Variants in CDC42SE2 observed in about 807,000 individuals in gnomAD.
The protein encoded by CDC42SE2 is CDC42 small effector 2.
A neutral mutation model predicts 11.5 loss-of-function variants in CDC42SE2; 3 were observed. The observed-to-expected ratio is 0.26, with a 90% CI of 0.12 to 0.67. The LOEUF (loss-of-function observed/expected upper bound fraction) is 0.67, where lower values mean the gene tolerates loss of function less well. Ranked by LOEUF, CDC42SE2 falls within the 30% of genes least tolerant of loss-of-function variation. The pLI is 0.80. For missense variants in CDC42SE2, 82 were observed against 106.8 expected (o/e 0.77, Z 1.02); for synonymous variants, 33 against 34.8 (o/e 0.95, Z 0.18).
chr5:131,280,103 T>G lies in CDC42SE2; in HGVS notation c.-455+15937T>G, dbSNP rs1757207758. Reference sequence around the variant, plus strand: ...GAACTTAGTTGGCTCGGGAGTTTATTGGCATTTTTTGAGCAACAGTTGCTT... The same window carrying G: ...GAACTTAGTTGGCTCGGGAGTTTATGGGCATTTTTTGAGCAACAGTTGCTT... On this transcript the variant is annotated intron_variant, in intron 1 of 4. Coordinates refer to ENST00000505065, the MANE Select transcript of CDC42SE2 (RefSeq NM_001375635.1). Among the ~76,000 whole-genome samples the G allele has an allele frequency of 2.0e-5, 3 of 152,150 alleles. No homozygotes were observed. In the South Asian group the frequency reaches 6.2e-4, roughly 32 times the overall value.
Position 131,391,085 on chromosome 5 carries a change from G to T in CDC42SE2, c.249G>T (p.Ala83=). Residue 83 remains alanine (A), a synonymous_variant, in exon 5 of 5, where the codon GCG becomes GCT. Coordinates refer to ENST00000505065, the MANE Select transcript of CDC42SE2 (RefSeq NM_001375635.1). The part of the protein sequence containing the change: ...NVQMQLVDTK[A]G ...AGATGCAGCTCGTGGATACGAAGGC[G>T]GGATAGCCCTGGTCCTTTCTCCAGT... The T allele has an allele frequency of 1.2e-6, 2 of 1,611,468 alleles. No homozygotes were observed. Among genetic ancestry groups the T allele is most frequent in the South Asian group, 2.2e-5 (2 of 91,060 alleles).
chr5:131,219,105 C>T, the CDC42SE2 span, among the ~76,000 whole-genome samples: 2 of 151,766 alleles, frequency 1.3e-5, no homozygotes, highest in African/African-American at 4.9e-5. Flanking sequence ...TGAGCTCATA[C>T]ACTTGTGATT....
At chr5:131,345,936 G>C (rs1022779522) in intron 2 of CDC42SE2, among the ~76,000 whole-genome samples, 1 of 152,172 alleles carries the variant, frequency 6.6e-6, no homozygotes, top group Non-Finnish European at 1.5e-5. Flanking sequence ...ATCCTTTACA[G>C]ACAAGCAAAT....
chr5:131,317,792 A>T (rs547518574), intron 2 of CDC42SE2, among the ~76,000 whole-genome samples: 2 of 152,268 alleles, frequency 1.3e-5, no homozygotes, highest in African/African-American at 4.8e-5. Context: ...AACCTGTGTT[A>T]TGATTTTACC....
intron 2 of CDC42SE2, among the ~76,000 whole-genome samples, chr5:131,355,857 T>G (rs1250019848): frequency 1.3e-5 from 2 of 152,184 alleles, no homozygotes; most frequent in Non-Finnish European, 2.9e-5. Context: ...GCAGCAAAAC[T>G]TCATGCAGGT....
intron 1 of CDC42SE2, among the ~76,000 whole-genome samples, chr5:131,307,919 T>C (rs10063968): frequency 0.12 from 18,962 of 152,138 alleles, 2,764 homozygotes; most frequent in African/African-American, 0.35. Flanking sequence ...GGGTTGTTTG[T>C]TTTTTGCTTG....
chr5:131,256,297 G>A (rs1756679605), intron 2 of CDC42SE2, among the ~76,000 whole-genome samples: 1 of 152,208 alleles, frequency 6.6e-6, no homozygotes, highest in Non-Finnish European at 1.5e-5. Context: ...GCTAATGCCT[G>A]AGAATTGATG....
intron 3 of CDC42SE2, among the ~76,000 whole-genome samples, chr5:131,369,315 A>AT (rs1749949111): frequency 1.3e-5 from 2 of 152,170 alleles, no homozygotes; most frequent in African/African-American, 4.8e-5. Flanking sequence ...ACCATAATAG[A>AT]TTTTTCCATT....
intron 1 of CDC42SE2, among the ~76,000 whole-genome samples, chr5:131,281,482 A>G (rs559643948): frequency 1.3e-5 from 2 of 152,320 alleles, no homozygotes; most frequent in Non-Finnish European, 2.9e-5. Context: ...GGTAAAGTGA[A>G]TCTTGAAACA....
chr5:131,315,078 C>T (rs1368244068), intron 1 of CDC42SE2, among the ~76,000 whole-genome samples: 6 of 150,710 alleles, frequency 4.0e-5, no homozygotes, highest in Non-Finnish European at 7.4e-5. Flanking sequence ...GTGGCTTGAG[C>T]GGAATATATG....
At chr5:131,381,074 T>C (rs1360671709) in intron 3 of CDC42SE2, among the ~76,000 whole-genome samples, 2 of 152,232 alleles carry the variant, frequency 1.3e-5, no homozygotes, top group Non-Finnish European at 2.9e-5. Context: ...ACTTTCAGGC[T>C]GTTTCTTTTT....
chr5:131,335,317 C>T (rs923565732), intron 2 of CDC42SE2, among the ~76,000 whole-genome samples: 8 of 152,212 alleles, frequency 5.3e-5, no homozygotes, highest in African/African-American at 1.2e-4. Flanking sequence ...TTTGATTGCA[C>T]TGTGGTCTGA....
intron 2 of CDC42SE2, among the ~76,000 whole-genome samples, chr5:131,345,833 G>C (rs184207270): frequency 3.3e-5 from 5 of 152,264 alleles, no homozygotes; most frequent in Non-Finnish European, 7.4e-5. Flanking sequence ...GAAGAGAGTG[G>C]GGGCCAATAT....
Position 131,392,519 on chromosome 5 carries a change from C to CTGTT in CDC42SE2, c.*1431_*1434dup, listed in dbSNP as rs1010167702. ...TATTTTAGAAGTATGACCTTTTGGT[C>CTGTT]TGTTTGATTGATTGATTAGAATTGC... On this transcript the variant is annotated 3_prime_UTR_variant, in exon 5 of 5. Coordinates refer to ENST00000505065, the MANE Select transcript of CDC42SE2 (RefSeq NM_001375635.1). The CTGTT allele has an allele frequency of 2.6e-5, 4 of 151,202 alleles. No individual in the cohort carries two copies. The highest frequency in any genetic ancestry group is 1.9e-4 in the East Asian group (1 of 5,328). 9.4% of individuals were successfully genotyped at this position (151,202 alleles called of 1,614,324 possible). A position where few individuals can be genotyped will look rare whatever the true frequency, so the allele number is the denominator to read the frequency against.
intron 1 of CDC42SE2, among the ~76,000 whole-genome samples, chr5:131,308,054 A>G (rs1433842147): frequency 1.3e-5 from 2 of 152,164 alleles, no homozygotes; most frequent in African/African-American, 4.8e-5. Flanking sequence ...TTTGCTGTGC[A>G]GAAGCTCTTT....
At chr5:131,249,741 G>C (rs1344788072) in intron 1 of CDC42SE2, among the ~76,000 whole-genome samples, 5 of 152,184 alleles carry the variant, frequency 3.3e-5, no homozygotes, top group Admixed American at 3.3e-4. Flanking sequence ...AGATTAGCTG[G>C]GTGTGGTGGT....
rs183371911 is a variant in CDC42SE2 at position 131,326,135 on chromosome 5, C to T, written c.-286+9991C>T. Among the ~76,000 whole-genome samples the T allele has an allele frequency of 4.9e-3, 734 of 149,062 alleles. 4 individuals are homozygous for T. Among genetic ancestry groups the T allele is most frequent in the African/African-American group, 0.017 (670 of 40,430 alleles). ...TTTTTTTTTTTTTGAGACGGAGTCT[C>T]GCTCTGTCCCCCAGGCTGGAGTGCA... On this transcript the variant is annotated intron_variant, in intron 2 of 4. Transcript: ENST00000505065.
At chr5:131,235,255 A>G in the CDC42SE2 span, among the ~76,000 whole-genome samples, 1 of 151,016 alleles carries the variant, frequency 6.6e-6, no homozygotes, top group Non-Finnish European at 1.5e-5. Flanking sequence ...TCAAATGCTA[A>G]TCTCTTCCAG....
chr5:131,357,834 T>C (rs914315825), intron 2 of CDC42SE2, among the ~76,000 whole-genome samples: 4 of 152,214 alleles, frequency 2.6e-5, no homozygotes, highest in Admixed American at 2.6e-4. Context: ...TAATCTGATG[T>C]CTACCCACAC....
Sources: gnomAD v4.1 joint callset for allele counts (sites outside exome capture counted in the v4.1 genomes callset) on GRCh38, gnomAD v4.1.1 for gene constraint, MANE v1.5 for transcripts, NCBI Gene and HGNC (gene_info 2026-07-23, HGNC 2026-07-21) for gene names.